PEX7: variants seen among roughly 807,000 people sequenced by gnomAD.
The protein encoded by PEX7 is peroxisomal biogenesis factor 7.
PEX7 carries 34 observed loss-of-function variants against 47.5 expected under a neutral mutation model. The ratio of observed to expected loss-of-function variants is 0.72; its 90% confidence interval spans 0.54 to 0.95. PEX7 has a LOEUF of 0.95. PEX7 is among the 40% of genes least tolerant of loss of function. The pLI is 0.00. For missense variants in PEX7, 394 were observed against 400.3 expected (o/e 0.98, Z 0.13); for synonymous variants, 141 against 148.8 (o/e 0.95, Z 0.38).
chr6:136,904,706 G>A (rs929547497), intron 9 of PEX7, among the ~76,000 whole-genome samples: 5 of 147,512 alleles, frequency 3.4e-5, no homozygotes, highest in South Asian at 4.2e-4. Flanking sequence ...TGCCATGATC[G>A]TGAGGCCTCC....
chr6:136,910,632 A>G (rs2115295458), intron 9 of PEX7, among the ~76,000 whole-genome samples: 1 of 152,326 alleles, frequency 6.6e-6, no homozygotes, highest in South Asian at 2.1e-4. Context: ...ATCTCAGAAT[A>G]TTGGTAGTGA....
intron 9 of PEX7, among the ~76,000 whole-genome samples, chr6:136,907,421 TC>T (rs1775863199): frequency 6.6e-6 from 1 of 152,132 alleles, no homozygotes; most frequent in South Asian, 2.1e-4. Flanking sequence ...CTTCCTTGAG[TC>T]CCAAATTTAA....
At chr6:136,844,495 G>A (rs1224272442) in intron 3 of PEX7, among the ~76,000 whole-genome samples, 1 of 152,028 alleles carries the variant, frequency 6.6e-6, no homozygotes. Flanking sequence ...CCATTTTCTT[G>A]TGTGTGAGAT....
intron 8 of PEX7, among the ~76,000 whole-genome samples, chr6:136,879,119 A>G (rs1775330622): frequency 6.6e-6 from 1 of 151,766 alleles, no homozygotes; most frequent in African/African-American, 2.4e-5. Flanking sequence ...ATGCTTTGTT[A>G]GAACATGCAA....
In PEX7 at chr6:136,850,985, T is replaced by A. The variant is rs559828414; in HGVS notation, c.526+4804T>A. On this transcript the variant is annotated intron_variant, in intron 5 of 9. Transcript: ENST00000318471. ...TTCTGCTGTCTTTTTTTTTTATTTT[T>A]TTTTTATTTTTAATTTTTTTTTTTT... Among the ~76,000 whole-genome samples, 199 of 117,514 alleles carry A rather than the reference T, an allele frequency of 1.7e-3. 1 individual carries two copies. The highest frequency in any genetic ancestry group is 5.9e-3 in the African/African-American group (176 of 29,706). The allele number at this position is 117,514 out of a possible 152,430, so 77.1% of individuals were successfully genotyped here.
Position 136,866,624 on chromosome 6 carries a change from T to C in PEX7, c.527-3T>C. The C allele has an allele frequency of 6.2e-7, 1 of 1,612,788 alleles. No individual in the cohort carries two copies. The highest frequency in any genetic ancestry group is 8.5e-7 in the Non-Finnish European group (1 of 1,178,834). Reference sequence around the variant, plus strand: ...GAAATGATCAAGTCTTCCTTTTTACTAGGTGATCAGACTCTGAGAATATGG... The same window carrying C: ...GAAATGATCAAGTCTTCCTTTTTACCAGGTGATCAGACTCTGAGAATATGG... On this transcript the variant is annotated splice_region_variant and splice_polypyrimidine_tract_variant and intron_variant, in intron 5 of 9. Transcript: ENST00000318471.
intron 5 of PEX7, among the ~76,000 whole-genome samples, chr6:136,864,567 C>CT (rs1248211259): frequency 6.6e-6 from 1 of 152,170 alleles, no homozygotes; most frequent in African/African-American, 2.4e-5. Flanking sequence ...CAACACATTT[C>CT]TTATCTTTCT....
intron 8 of PEX7, among the ~76,000 whole-genome samples, chr6:136,885,574 T>G (rs1775455140): frequency 6.6e-6 from 1 of 152,198 alleles, no homozygotes; most frequent in African/African-American, 2.4e-5. Flanking sequence ...TACTTTAAAA[T>G]TCAGGCATAT....
intron 5 of PEX7, among the ~76,000 whole-genome samples, chr6:136,856,213 A>AT (rs1368676700): frequency 1.3e-5 from 2 of 150,464 alleles, no homozygotes; most frequent in East Asian, 3.9e-4. Context: ...CCCCTGTTTC[A>AT]TTACATTACC....
intron 5 of PEX7, among the ~76,000 whole-genome samples, chr6:136,865,549 T>C (rs1314181680): frequency 6.6e-6 from 1 of 152,136 alleles, no homozygotes; most frequent in African/African-American, 2.4e-5. Flanking sequence ...TCTGCCCACC[T>C]TGGCCTCCCG....
At chr6:136,884,105 T>A (rs1290235905) in intron 8 of PEX7, among the ~76,000 whole-genome samples, 5 of 152,134 alleles carry the variant, frequency 3.3e-5, no homozygotes, top group Admixed American at 6.5e-5. Flanking sequence ...TGAAAACCCT[T>A]CACTTTTGAC....
intron 8 of PEX7, among the ~76,000 whole-genome samples, chr6:136,888,932 T>A (rs535244675): frequency 3.9e-5 from 6 of 152,306 alleles, no homozygotes; most frequent in Non-Finnish European, 8.8e-5. Context: ...CAGCACTGAC[T>A]GACTAATAGA....
intron 5 of PEX7, among the ~76,000 whole-genome samples, chr6:136,860,116 G>T (rs976497155): frequency 2.0e-5 from 3 of 152,110 alleles, no homozygotes. Flanking sequence ...CACCATCACA[G>T]GGCCCTGATA....
chr6:136,869,982 C>T lies in PEX7; in HGVS notation c.726C>T (p.Thr242=), dbSNP rs762238818. 6 of 1,609,982 alleles carry T rather than the reference C, an allele frequency of 3.7e-6. No individual in the cohort carries two copies. In the African/African-American group the frequency reaches 5.3e-5, roughly 14 times the overall value. The change falls in exon 7 of 10, where the codon ACC becomes ACT. Residue 242 remains threonine, a synonymous_variant. Transcript: ENST00000318471. ...RQPVFELLGH[T]YAIRRVKFSP... is the part of the protein sequence containing the mutation. ...CAGTGTTTGAACTTCTTGGTCATACCTATGCTATTAGGAGGGTGAAAGTAA... is the reference window on the plus strand; with the variant it reads ...CAGTGTTTGAACTTCTTGGTCATACTTATGCTATTAGGAGGGTGAAAGTAA...
intron 8 of PEX7, among the ~76,000 whole-genome samples, chr6:136,892,644 A>G (rs554926638): frequency 6.6e-6 from 1 of 152,318 alleles, no homozygotes; most frequent in South Asian, 2.1e-4. Context: ...AGACACTTTT[A>G]TACATGCAAA....
In PEX7 at chr6:136,900,773, G is replaced by T; in HGVS notation, c.903+2532G>T. 3.0e-6 allele frequency: 1 copy of T among 337,038 alleles called. No individual in the cohort carries two copies. The highest frequency in any genetic ancestry group is 9.2e-5 in the East Asian group (1 of 10,854). The allele number at this position is 337,038 out of a possible 1,614,324, so 20.9% of individuals were successfully genotyped here. Reference sequence around the variant, plus strand: ...TTAACCCCAGCTTGAAGGACAGGTGGTCTCTTAGTGGGGACATCCCCTTTG... The same window carrying T: ...TTAACCCCAGCTTGAAGGACAGGTGTTCTCTTAGTGGGGACATCCCCTTTG... On this transcript the variant is annotated intron_variant, in intron 9 of 9. Transcript: ENST00000318471. The surrounding 1 kb of genome is among the most constrained non-coding windows in gnomAD (Gnocchi z 4.2).
chr6:136,913,356 G>T (rs950837087), intron 9 of PEX7, 102 bp from the exon 10 acceptor site: 15 of 797,998 alleles, frequency 1.9e-5, no homozygotes, highest in Non-Finnish European at 2.9e-5. Flanking sequence ...ATGTTTACTA[G>T]TGGATGATTT....
chr6:136,822,799 A>G lies in PEX7; in HGVS notation c.130+4A>G. 7.7e-7 allele frequency: 1 copy of G among 1,301,376 alleles called. No homozygotes were observed. Among genetic ancestry groups the G allele is most frequent in the Non-Finnish European group, 9.7e-7 (1 of 1,030,648 alleles). 80.6% of individuals were successfully genotyped at this position (1,301,376 alleles called of 1,614,324 possible). The stretch of plus-strand genomic sequence containing the variant: ...GCGCAGCACTACGGCATCGCGGGTG[A>G]GGCGGCGCCGCGCAGCTGGGGCCGG... On this transcript the variant is annotated splice_donor_region_variant and intron_variant, in intron 1 of 9. Coordinates refer to ENST00000318471, the MANE Select transcript of PEX7 (RefSeq NM_000288.4).
Position 136,907,232 on chromosome 6 carries a change from C to T in PEX7, c.904-6226C>T, listed in dbSNP as rs1294302352. The stretch of plus-strand genomic sequence containing the variant: ...GAAATACACAGTGGATTAATGTCAA[C>T]CACCTGATACATATGTGCTAAATAG... On this transcript the variant is annotated intron_variant, in intron 9 of 9. Transcript: ENST00000318471. Among the ~76,000 whole-genome samples the T allele has an allele frequency of 2.0e-5, 3 of 152,254 alleles. No individual in the cohort carries two copies. The East Asian group carries it at 5.8e-4, about 29-fold the overall frequency.
Sources: gnomAD v4.1 joint callset for allele counts (sites outside exome capture counted in the v4.1 genomes callset) on GRCh38, gnomAD v4.1.1 for gene constraint, Gnocchi (gnomAD v3.1) non-coding constraint, MANE v1.5 for transcripts, NCBI Gene and HGNC (gene_info 2026-07-23, HGNC 2026-07-21) for gene names.